Variants in AGBL4 observed in about 807,000 individuals in gnomAD.
The protein encoded by AGBL4 is AGBL carboxypeptidase 4, also known as cytosolic carboxypeptidase 6.
AGBL4 carries 58 observed loss-of-function variants against 66.4 expected under a neutral mutation model. That is an observed-to-expected ratio of 0.87 (90% CI 0.71 to 1.09). AGBL4 has a LOEUF of 1.09. Ranked by LOEUF, AGBL4 falls within the 50% of genes least tolerant of loss-of-function variation. The probability of loss-of-function intolerance (pLI) is 0.00; values close to 1 mark genes in which losing one functional copy is unlikely to be tolerated. For missense variants in AGBL4, 579 were observed against 631.0 expected (o/e 0.92, Z 0.88); for synonymous variants, 234 against 222.9 (o/e 1.05, Z -0.44).
At chr1:48,607,843 T>C (rs954006860) in intron 9 of AGBL4, among the ~76,000 whole-genome samples, 1 of 152,138 alleles carries the variant, frequency 6.6e-6, no homozygotes, top group Non-Finnish European at 1.5e-5. Flanking sequence ...CCATCAAGCA[T>C]ACAAAAAATC....
intron 3 of AGBL4, among the ~76,000 whole-genome samples, chr1:49,487,706 T>C (rs1294770480): frequency 6.6e-6 from 1 of 151,960 alleles, no homozygotes; most frequent in East Asian, 1.9e-4. Flanking sequence ...TGAGTATTTC[T>C]TCATGGCAGT....
intron 3 of AGBL4, among the ~76,000 whole-genome samples, chr1:49,318,701 G>A (rs979760632): frequency 1.3e-5 from 2 of 152,022 alleles, no homozygotes; most frequent in Admixed American, 1.3e-4. Context: ...GAGCTAGAAA[G>A]TTATGAAGCC....
intron 4 of AGBL4, among the ~76,000 whole-genome samples, chr1:49,089,716 G>T (rs577707545): frequency 1.3e-5 from 2 of 152,144 alleles, no homozygotes; most frequent in East Asian, 1.9e-4. Context: ...AAAAATTGGG[G>T]AGGAAGGACT....
intron 3 of AGBL4, among the ~76,000 whole-genome samples, chr1:49,678,553 G>C (rs569382517): frequency 6.6e-6 from 1 of 152,054 alleles, no homozygotes; most frequent in East Asian, 1.9e-4. Flanking sequence ...AGCTTAGATT[G>C]CTGATTTTAG....
chr1:49,438,221 C>T (rs1276199122), intron 3 of AGBL4, among the ~76,000 whole-genome samples: 1 of 152,144 alleles, frequency 6.6e-6, no homozygotes, highest in African/African-American at 2.4e-5. Flanking sequence ...CCATTTATGT[C>T]AAGCTTATGA....
intron 11 of AGBL4, among the ~76,000 whole-genome samples, chr1:48,563,348 G>A (rs1416645712): frequency 3.3e-5 from 5 of 152,154 alleles, no homozygotes; most frequent in Non-Finnish European, 7.4e-5. Context: ...ACTCACTTAG[G>A]CAATTCTATA....
intron 1 of AGBL4, among the ~76,000 whole-genome samples, chr1:49,911,239 G>A (rs1001440557): frequency 4.6e-5 from 7 of 152,066 alleles, no homozygotes; most frequent in South Asian, 2.1e-4. Flanking sequence ...AGCTGGACTC[G>A]CGAGCCTTTT....
chr1:49,557,083 G>T (rs973544804), intron 3 of AGBL4, among the ~76,000 whole-genome samples: 2 of 151,996 alleles, frequency 1.3e-5, no homozygotes, highest in Non-Finnish European at 2.9e-5. Flanking sequence ...TCCCACCCGA[G>T]CCTCTCCCTC....
Position 49,509,536 on chromosome 1 carries a change from A to T in AGBL4, c.282+187777T>A, listed in dbSNP as rs370562644. ...ATAACTAATGAGTAGTGAGAAATGCAGCTAGAAATAAGGACACCAGGGAGG... is the reference window on the plus strand; with the variant it reads ...ATAACTAATGAGTAGTGAGAAATGCTGCTAGAAATAAGGACACCAGGGAGG... On this transcript the variant is annotated intron_variant, in intron 3 of 13. Transcript: ENST00000371839. Among the ~76,000 whole-genome samples the T allele has an allele frequency of 1.3e-4, 20 of 152,060 alleles. No individual in the cohort carries two copies. In the East Asian group the frequency reaches 3.1e-3, roughly 24 times the overall value.
chr1:49,284,929 CT>C (rs1311510462), intron 3 of AGBL4, among the ~76,000 whole-genome samples: 1 of 150,210 alleles, frequency 6.7e-6, no homozygotes, highest in Non-Finnish European at 1.5e-5. Flanking sequence ...TAATGGGAGA[CT>C]TTAACACCCC....
intron 6 of AGBL4, among the ~76,000 whole-genome samples, chr1:48,719,775 T>G (rs1269033519): frequency 1.3e-5 from 2 of 152,230 alleles, no homozygotes; most frequent in Admixed American, 6.5e-5. Context: ...CACAGAAACA[T>G]GAAGCCTTCC....
intron 2 of AGBL4, among the ~76,000 whole-genome samples, chr1:49,728,387 C>A (rs1649186216): frequency 6.6e-6 from 1 of 152,138 alleles, no homozygotes; most frequent in South Asian, 2.1e-4. Context: ...CTTAGATAGG[C>A]CTGAGGCAAT....
chr1:48,924,516 T>C (rs1018321433), intron 5 of AGBL4, among the ~76,000 whole-genome samples: 3 of 152,154 alleles, frequency 2.0e-5, no homozygotes, highest in Non-Finnish European at 4.4e-5. Context: ...ACACACTCAG[T>C]GAATGACAAA....
At chr1:48,654,815 T>G (rs1645992431) in intron 7 of AGBL4, among the ~76,000 whole-genome samples, 1 of 152,236 alleles carries the variant, frequency 6.6e-6, no homozygotes, top group Admixed American at 6.5e-5. Context: ...GAAAGCCAGT[T>G]GGACATCATT....
intron 3 of AGBL4, among the ~76,000 whole-genome samples, chr1:49,607,762 G>A (rs1476081820): frequency 6.6e-6 from 1 of 152,066 alleles, no homozygotes; most frequent in East Asian, 1.9e-4. Context: ...TGTCAGATCT[G>A]TTCATATTCA....
At chr1:50,018,197 A>G (rs1312122109) in intron 1 of AGBL4, among the ~76,000 whole-genome samples, 1 of 152,170 alleles carries the variant, frequency 6.6e-6, no homozygotes, top group Non-Finnish European at 1.5e-5. Flanking sequence ...TTCAGATGAC[A>G]TGAAAGTACA....
At chr1:49,870,337 G>A (rs1020446655) in intron 1 of AGBL4, among the ~76,000 whole-genome samples, 8 of 151,910 alleles carry the variant, frequency 5.3e-5, no homozygotes, top group African/African-American at 1.9e-4. Context: ...AACTTGTGGA[G>A]GACAATTGTA....
chr1:49,626,368 A>G (rs1333264504), intron 3 of AGBL4, among the ~76,000 whole-genome samples: 1 of 152,240 alleles, frequency 6.6e-6, no homozygotes, highest in East Asian at 1.9e-4. Flanking sequence ...TCCCCTCATG[A>G]AATGCTTTTT....
At chr1:50,004,983 TAG>T (rs2148426083) in intron 1 of AGBL4, among the ~76,000 whole-genome samples, 1 of 152,140 alleles carries the variant, frequency 6.6e-6, no homozygotes, top group South Asian at 2.1e-4. Flanking sequence ...TCCAGGAATG[TAG>T]AGCACAAGCA....
Sources: gnomAD v4.1 joint callset for allele counts (sites outside exome capture counted in the v4.1 genomes callset) on GRCh38, gnomAD v4.1.1 for gene constraint, MANE v1.5 for transcripts, NCBI Gene and HGNC (gene_info 2026-07-23, HGNC 2026-07-21) for gene names.